RNF125: variants seen among roughly 807,000 people sequenced by gnomAD.
RNF125 encodes the protein E3 ubiquitin-protein ligase RNF125.
RNF125 carries 21 observed loss-of-function variants against 26.0 expected under a neutral mutation model. The observed-to-expected ratio is 0.81, with a 90% CI of 0.57 to 1.16. The LOEUF (loss-of-function observed/expected upper bound fraction) is 1.16, where lower values mean the gene tolerates loss of function less well. Among genes scored for constraint, RNF125 ranks in the 50% most tolerant of loss-of-function variants. RNF125 has a pLI of 0.00. For synonymous variants in RNF125, 95 were observed against 109.2 expected (o/e 0.87, Z 0.81); for missense variants, 270 against 299.4 (o/e 0.90, Z 0.72).
intron 4 of RNF125, among the ~76,000 whole-genome samples, chr18:32,046,467 G>T (rs919428263): frequency 1.3e-5 from 2 of 151,534 alleles, no homozygotes; most frequent in African/African-American, 4.8e-5. Flanking sequence ...CGTGGTGGTG[G>T]GCGCCTGTAG....
At chr18:32,064,654 G>A (rs1302560781) in intron 4 of RNF125, among the ~76,000 whole-genome samples, 1 of 151,654 alleles carries the variant, frequency 6.6e-6, no homozygotes, top group Admixed American at 6.6e-5. Flanking sequence ...AAGTAGGTGG[G>A]ATAGCAGGCA....
downstream of RNF125, chr18:32,075,876 A>G: frequency 1.1e-6 from 1 of 948,452 alleles, no homozygotes; most frequent in Non-Finnish European, 1.7e-6. Context: ...GTAAATATAT[A>G]TTACATCTCT....
intron 4 of RNF125, among the ~76,000 whole-genome samples, chr18:32,052,661 A>G (rs1399532667): frequency 1.3e-5 from 2 of 152,114 alleles, no homozygotes; most frequent in South Asian, 2.1e-4. Flanking sequence ...GAAGTGTTCT[A>G]TAATCAGCTG....
In RNF125 at chr18:32,042,266, G is replaced by A; in HGVS notation, c.406G>A (p.Ala136Thr). Residue 136 changes from alanine to threonine, a missense_variant, in exon 3 of 6, where the codon GCA becomes ACA. By Grantham distance (58) the Ala-to-Thr change is moderately conservative. Coordinates refer to ENST00000217740, the MANE Select transcript of RNF125 (RefSeq NM_017831.4). ...YGPLQELEET[A>T]ARCVCPFCQR... ...ACCACTACAAGAACTTGAGGAGACA[G>A]CAGCAAGGTTTGTTTCAATACAATA... 1 of 1,605,768 alleles carries A rather than the reference G, an allele frequency of 6.2e-7. No homozygotes were observed.
At chr18:32,039,127 C>T (rs2039191178) in intron 2 of RNF125, among the ~76,000 whole-genome samples, 1 of 151,024 alleles carries the variant, frequency 6.6e-6, no homozygotes, top group Non-Finnish European at 1.5e-5. Context: ...GGAGGCCAGG[C>T]GCAGTGGCTC....
chr18:32,083,718 C>T, the RNF125 span, among the ~76,000 whole-genome samples: 1 of 151,778 alleles, frequency 6.6e-6, no homozygotes, highest in East Asian at 2.0e-4. Context: ...TTGAAACCAG[C>T]CTGGGTAACA....
chr18:32,056,313 T>C (rs2039382464), intron 4 of RNF125, among the ~76,000 whole-genome samples: 1 of 151,612 alleles, frequency 6.6e-6, no homozygotes. Context: ...CTCACATGAA[T>C]AAAGAGGAAA....
At chr18:32,078,565 A>G in the RNF125 span, among the ~76,000 whole-genome samples, 1 of 152,102 alleles carries the variant, frequency 6.6e-6, no homozygotes, top group Non-Finnish European at 1.5e-5. Context: ...GTATAAGCCC[A>G]GGAGTTCAAC....
chr18:32,052,045 CT>C (rs888252189), intron 4 of RNF125, among the ~76,000 whole-genome samples: 70 of 152,192 alleles, frequency 4.6e-4, no homozygotes, highest in African/African-American at 1.6e-3. Context: ...AGGGACAGGA[CT>C]TTTGGTTTGA....
chr18:32,045,894 T>C (rs2039265565), intron 4 of RNF125, among the ~76,000 whole-genome samples, 162 bp downstream of exon 4: 1 of 152,130 alleles, frequency 6.6e-6, no homozygotes, highest in South Asian at 2.1e-4. Flanking sequence ...AAGTGTTCAG[T>C]TGAAACTGAT....
At chr18:32,062,189 G>A (rs904341843) in intron 4 of RNF125, among the ~76,000 whole-genome samples, 2 of 152,198 alleles carry the variant, frequency 1.3e-5, no homozygotes, top group Non-Finnish European at 2.9e-5. Flanking sequence ...GCTGGTGCTA[G>A]GATTTGAACC....
chr18:32,022,425 A>G (rs2038994588), intron 1 of RNF125, among the ~76,000 whole-genome samples: 2 of 152,166 alleles, frequency 1.3e-5, no homozygotes, highest in African/African-American at 2.4e-5. Context: ...TGATCATTTG[A>G]GTCTATGAAA....
chr18:32,055,562 G>A (rs1036472855), intron 4 of RNF125, among the ~76,000 whole-genome samples: 3 of 152,078 alleles, frequency 2.0e-5, no homozygotes, highest in African/African-American at 7.2e-5. Context: ...TACCACACAC[G>A]TATAAGACCA....
chr18:32,035,421 G>C (rs1250133822), intron 1 of RNF125, among the ~76,000 whole-genome samples: 1 of 152,174 alleles, frequency 6.6e-6, no homozygotes, highest in Admixed American at 6.6e-5. Context: ...AGGAGTTAAA[G>C]AGGAAAAGAA....
the RNF125 span, among the ~76,000 whole-genome samples, chr18:32,086,124 C>G: frequency 1.3e-5 from 2 of 152,000 alleles, no homozygotes; most frequent in African/African-American, 4.8e-5. Context: ...ATTGGCTTTT[C>G]TTTTCACGGC....
the RNF125 span, among the ~76,000 whole-genome samples, chr18:32,085,411 GA>G: frequency 3.1e-4 from 43 of 137,238 alleles, no homozygotes; most frequent in African/African-American, 1.0e-3. Flanking sequence ...GAGAGAGAGA[GA>G]GAGAAAGCTG....
At chr18:32,038,004 C>T (rs2144466134) in intron 2 of RNF125, among the ~76,000 whole-genome samples, 1 of 150,406 alleles carries the variant, frequency 6.6e-6, no homozygotes, top group South Asian at 2.1e-4. Flanking sequence ...TTGCTCTTCA[C>T]AAGAAACCTT....
the RNF125 span, among the ~76,000 whole-genome samples, chr18:32,084,543 C>T: frequency 1.3e-5 from 2 of 152,216 alleles, no homozygotes; most frequent in South Asian, 4.1e-4. Flanking sequence ...TTGGTTTGCT[C>T]TCTTTCTACT....
chr18:32,024,042 T>TA (rs1313631508), intron 1 of RNF125, among the ~76,000 whole-genome samples: 4 of 152,312 alleles, frequency 2.6e-5, no homozygotes, highest in Admixed American at 1.3e-4. Flanking sequence ...TATAACCTCT[T>TA]ACGATTTTTC....
Sources: gnomAD v4.1 joint callset for allele counts (sites outside exome capture counted in the v4.1 genomes callset) on GRCh38, gnomAD v4.1.1 for gene constraint, MANE v1.5 for transcripts, NCBI Gene and HGNC (gene_info 2026-07-23, HGNC 2026-07-21) for gene names.